Variants in ANKS1B observed in about 807,000 individuals in gnomAD.
ANKS1B encodes ankyrin repeat and sterile alpha motif domain-containing protein 1B.
Under a neutral mutation model 148.3 loss-of-function variants are expected in ANKS1B, and 36 were observed. The ratio of observed to expected loss-of-function variants is 0.24; its 90% CI spans 0.19 to 0.32. The LOEUF is 0.32. Among genes scored for constraint, ANKS1B ranks in the 10% least tolerant of loss-of-function variants. The pLI is 1.00. For missense variants in ANKS1B, 1,157 were observed against 1,542.6 expected (o/e 0.75, Z 4.19); for synonymous variants, 542 against 560.8 (o/e 0.97, Z 0.47).
chr12:98,972,459 G>A (rs952733342), intron 17 of ANKS1B, among the ~76,000 whole-genome samples: 1 of 152,126 alleles, frequency 6.6e-6, no homozygotes, highest in Non-Finnish European at 1.5e-5. Context: ...ACCATGGTAA[G>A]GTTGACTGTA....
At chr12:99,872,485 C>T (rs1396309590) in intron 1 of ANKS1B, among the ~76,000 whole-genome samples, 2 of 151,846 alleles carry the variant, frequency 1.3e-5, no homozygotes, top group Non-Finnish European at 2.9e-5. Context: ...TCAGAAATGC[C>T]CATCCAGGAA....
intron 1 of ANKS1B, among the ~76,000 whole-genome samples, chr12:99,853,974 AC>A (rs1210907505): frequency 1.3e-5 from 2 of 152,170 alleles, no homozygotes; most frequent in South Asian, 2.1e-4. Flanking sequence ...GAAAAAAAAA[AC>A]TTCAGAGCTC....
intron 14 of ANKS1B, among the ~76,000 whole-genome samples, chr12:99,191,500 T>G (rs1039462612): frequency 1.7e-4 from 26 of 152,146 alleles, no homozygotes; most frequent in South Asian, 4.1e-4. Context: ...ATACACCATG[T>G]AATACTATGC....
At chr12:99,464,206 C>G (rs2096053849) in intron 10 of ANKS1B, among the ~76,000 whole-genome samples, 1 of 152,164 alleles carries the variant, frequency 6.6e-6, no homozygotes, top group Non-Finnish European at 1.5e-5. Context: ...CTCTAGCAAA[C>G]TCCAACAGAC....
In ANKS1B at chr12:99,120,756, A is replaced by T. The variant is rs150838939; in HGVS notation, c.2526+33533T>A. On this transcript the variant is annotated intron_variant, in intron 15 of 26. Transcript: ENST00000683438. ...ACATGGGAACTGCAGGAGAAGCAGC[A>T]GATTTGGGAAGAGCAGTGGATTTGA... 7.9e-5 allele frequency among the ~76,000 whole-genome samples: 12 copies of T among 152,310 alleles called. 2 individuals are homozygous for T. In the East Asian group the frequency reaches 2.3e-3, roughly 29 times the overall value.
intron 1 of ANKS1B, among the ~76,000 whole-genome samples, chr12:99,916,133 T>C (rs2094163102): frequency 6.6e-6 from 1 of 152,206 alleles, no homozygotes; most frequent in Non-Finnish European, 1.5e-5. Context: ...AAACAGAAGA[T>C]CGATGTTCCT....
At chr12:99,420,641 T>C (rs770922344) in intron 11 of ANKS1B, among the ~76,000 whole-genome samples, 6 of 152,178 alleles carry the variant, frequency 3.9e-5, no homozygotes, top group Non-Finnish European at 4.4e-5. Flanking sequence ...TCCTGACTCA[T>C]TCCTGGCAAA....
intron 1 of ANKS1B, among the ~76,000 whole-genome samples, chr12:99,962,731 A>G (rs961149032): frequency 4.6e-5 from 7 of 151,950 alleles, no homozygotes; most frequent in Non-Finnish European, 7.4e-5. Flanking sequence ...ACTTTTTAAT[A>G]ATCACCATTC....
chr12:99,114,259 A>T (rs1409712212), intron 15 of ANKS1B, among the ~76,000 whole-genome samples: 11 of 152,360 alleles, frequency 7.2e-5, no homozygotes. Flanking sequence ...ACTTGAATCA[A>T]ACTCTTTAAA....
chr12:99,708,009 A>G (rs569726679), intron 8 of ANKS1B, among the ~76,000 whole-genome samples: 4 of 152,206 alleles, frequency 2.6e-5, no homozygotes, highest in African/African-American at 9.6e-5. Context: ...TCAAAACTCT[A>G]TAAGCAATGC....
At chr12:98,803,358 C>T (rs572618486) in intron 20 of ANKS1B, among the ~76,000 whole-genome samples, 1 of 152,256 alleles carries the variant, frequency 6.6e-6, no homozygotes, top group East Asian at 1.9e-4. Context: ...CCTCTAATCT[C>T]CCCCATTAAA....
chr12:99,177,169 C>A (rs1228547014), intron 14 of ANKS1B, among the ~76,000 whole-genome samples: 1 of 152,210 alleles, frequency 6.6e-6, no homozygotes, highest in African/African-American at 2.4e-5. Flanking sequence ...ACAGCATATA[C>A]AGTATTCTTC....
At chr12:99,512,867 C>T (rs144067060) in intron 9 of ANKS1B, among the ~76,000 whole-genome samples, 2 of 151,990 alleles carry the variant, frequency 1.3e-5, no homozygotes, top group African/African-American at 4.8e-5. Flanking sequence ...CACATGGACA[C>T]ATGGGGGGAA....
At chr12:99,728,230 T>A (rs2058801911) in intron 8 of ANKS1B, among the ~76,000 whole-genome samples, 1 of 151,952 alleles carries the variant, frequency 6.6e-6, no homozygotes, top group Non-Finnish European at 1.5e-5. Flanking sequence ...ATCTACCCAT[T>A]TGACAAAGGT....
At chr12:99,808,118 T>C (rs2067871342) in intron 3 of ANKS1B, among the ~76,000 whole-genome samples, 1 of 152,082 alleles carries the variant, frequency 6.6e-6, no homozygotes, top group Non-Finnish European at 1.5e-5. Flanking sequence ...TGGGAATTAG[T>C]GATCTGAAAG....
At chr12:99,611,094 T>C (rs1211048177) in intron 9 of ANKS1B, among the ~76,000 whole-genome samples, 1 of 152,128 alleles carries the variant, frequency 6.6e-6, no homozygotes, top group Admixed American at 6.6e-5. Context: ...GAGAGACCTC[T>C]TCAATTTCAT....
intron 8 of ANKS1B, among the ~76,000 whole-genome samples, chr12:99,767,968 T>C (rs1421460486): frequency 2.6e-5 from 4 of 152,142 alleles, no homozygotes; most frequent in South Asian, 4.1e-4. Flanking sequence ...TTACATAAGA[T>C]GGCTGGTTTT....
chr12:99,715,252 T>G (rs2057158540), intron 8 of ANKS1B, among the ~76,000 whole-genome samples: 1 of 152,096 alleles, frequency 6.6e-6, no homozygotes. Context: ...AGATGGCCAG[T>G]TCCTGCCTTA....
chr12:99,894,522 A>AC (rs1273844018), intron 1 of ANKS1B, among the ~76,000 whole-genome samples: 3 of 90,914 alleles, frequency 3.3e-5, no homozygotes, highest in Non-Finnish European at 7.8e-5. Context: ...AAAAAAAAAA[A>AC]AAAAAAAACA....
Sources: gnomAD v4.1 joint callset for allele counts (sites outside exome capture counted in the v4.1 genomes callset) on GRCh38, gnomAD v4.1.1 for gene constraint, MANE v1.5 for transcripts, NCBI Gene and HGNC (gene_info 2026-07-23, HGNC 2026-07-21) for gene names.